The following DLEC1 variants were observed in gnomAD, a reference collection of about 807,000 sequenced individuals.
DLEC1 encodes DLEC1 cilia and flagella associated protein.
Under a neutral mutation model 198.1 loss-of-function variants are expected in DLEC1, and 146 were observed. The observed-to-expected ratio is 0.74, with a 90% CI of 0.64 to 0.85. The LOEUF (loss-of-function observed/expected upper bound fraction) is 0.85. Among genes scored for constraint, DLEC1 ranks in the 40% least tolerant of loss-of-function variants. The pLI is 0.00. For synonymous variants in DLEC1, 897 were observed against 866.8 expected (o/e 1.03, Z -0.61); for missense variants, 2,233 against 2,220.0 (o/e 1.01, Z -0.12).
chr3:38,063,786 T>G lies in DLEC1; in HGVS notation c.1095-55T>G. On this transcript the variant is annotated intron_variant, in intron 5 of 36. Coordinates refer to ENST00000308059, the MANE Select transcript of DLEC1 (RefSeq NM_007335.4). ...ACATTAATCAGTCACTGCCTACTATTTCATTGTATGGATGAAACTAACAGC... is the reference window on the plus strand; with the variant it reads ...ACATTAATCAGTCACTGCCTACTATGTCATTGTATGGATGAAACTAACAGC... 2.3e-6 allele frequency: 3 copies of G among 1,321,256 alleles called. 1 individual carries two copies. The South Asian group carries it at 3.6e-5, about 16-fold the overall frequency. The allele number at this position is 1,321,256 out of a possible 1,614,324, so 81.8% of individuals were successfully genotyped here. A position where few individuals can be genotyped will look rare whatever the true frequency, so the allele number is the denominator to read the frequency against.
rs1479116464 is a variant in DLEC1 at position 38,062,650 on chromosome 3, C to A, written c.943C>A (p.Leu315Ile). 1.9e-6 allele frequency: 3 copies of A among 1,614,048 alleles called. No individual in the cohort carries two copies. Among genetic ancestry groups the A allele is most frequent in the Non-Finnish European group, 2.5e-6 (3 of 1,180,046 alleles). The change falls in exon 5 of 37, where the codon CTT (leucine) becomes ATT (isoleucine). Residue 315 changes from leucine (L) to isoleucine (I), a missense_variant. By Grantham distance (5) the Leu-to-Ile change is conservative. Transcript: ENST00000308059. ...TGTGCCACAGAGAGAGCTAGACAGA[C>A]TTCTGCTTGCCAGAATGGAGAGTCG... ...LRVPQRELDR[L>I]LLARMESRNH...
intron 2 of DLEC1, chr3:38,052,440 A>G (rs1295904679): frequency 5.1e-6 from 1 of 197,512 alleles, no homozygotes; most frequent in Non-Finnish European, 1.1e-5. Flanking sequence ...GAAATCTCCC[A>G]ACAGCCAGAA....
chr3:38,086,933 G>A (rs1334736962), intron 9 of DLEC1, among the ~76,000 whole-genome samples: 1 of 152,042 alleles, frequency 6.6e-6, no homozygotes, highest in Non-Finnish European at 1.5e-5. Flanking sequence ...AATTAGCCGG[G>A]TGTGGTGGCA....
At position 38,100,409 on chromosome 3, in the gene DLEC1, GA is replaced by G; in HGVS notation, c.2852del (p.Asn951MetfsTer67). The G allele has an allele frequency of 6.2e-7, 1 of 1,612,854 alleles. No homozygotes were observed. Among genetic ancestry groups the G allele is most frequent in the East Asian group, 2.2e-5 (1 of 44,788 alleles). On this transcript the variant is annotated frameshift_variant, in exon 19 of 37. Coordinates refer to ENST00000308059, the MANE Select transcript of DLEC1 (RefSeq NM_007335.4). LOFTEE classifies it high-confidence loss of function. ...HLETVLELEV[E>X]NGAWSYLPVY... ...GGAGACCGTCCTGGAGCTGGAGGTG[GA>G]AAATGGTGCCTGGAGGTAAGGGTGC...
At chr3:38,070,743 T>C (rs944361425) in intron 6 of DLEC1, among the ~76,000 whole-genome samples, 1 of 152,168 alleles carries the variant, frequency 6.6e-6, no homozygotes, top group Non-Finnish European at 1.5e-5. Context: ...AAAAGGACTT[T>C]CACAAGGTAA....
At chr3:38,082,152 C>T (rs1176675593) in intron 6 of DLEC1, among the ~76,000 whole-genome samples, 1 of 148,594 alleles carries the variant, frequency 6.7e-6, no homozygotes, top group Admixed American at 6.6e-5. Flanking sequence ...CCTCACATCC[C>T]AGATGGGGCG....
chr3:38,066,192 C>T (rs1372432085), intron 6 of DLEC1, among the ~76,000 whole-genome samples: 1 of 152,170 alleles, frequency 6.6e-6, no homozygotes, highest in East Asian at 1.9e-4. Flanking sequence ...CTATAAAGTT[C>T]TTATCAAACT....
intron 9 of DLEC1, among the ~76,000 whole-genome samples, chr3:38,087,583 T>C (rs1048342254): frequency 6.6e-6 from 1 of 150,684 alleles, no homozygotes; most frequent in Non-Finnish European, 1.5e-5. Context: ...ACACCATCCA[T>C]CAGCATGCTC....
intron 19 of DLEC1, among the ~76,000 whole-genome samples, chr3:38,104,684 G>C (rs975610583): frequency 6.6e-6 from 1 of 151,962 alleles, no homozygotes; most frequent in Non-Finnish European, 1.5e-5. Flanking sequence ...AATTTTTCTT[G>C]GTCAGTCTAG....
At chr3:38,049,402 A>T (rs961717147) in intron 2 of DLEC1, among the ~76,000 whole-genome samples, 1 of 152,208 alleles carries the variant, frequency 6.6e-6, no homozygotes, top group African/African-American at 2.4e-5. Context: ...CATAGAGGCA[A>T]CCTTTCTGTG....
At chr3:38,086,971 G>T (rs1698489664) in intron 9 of DLEC1, among the ~76,000 whole-genome samples, 1 of 151,986 alleles carries the variant, frequency 6.6e-6, no homozygotes, top group African/African-American at 2.4e-5. Context: ...CTACTCAGGA[G>T]GCTGAGGAAG....
At chr3:38,073,508 G>C (rs1423404690) in intron 6 of DLEC1, among the ~76,000 whole-genome samples, 1 of 152,112 alleles carries the variant, frequency 6.6e-6, no homozygotes, top group African/African-American at 2.4e-5. Flanking sequence ...TTATACTTGT[G>C]GGTTAAGGTG....
intron 2 of DLEC1, among the ~76,000 whole-genome samples, chr3:38,052,967 T>C (rs1280971204): frequency 6.6e-6 from 1 of 152,212 alleles, no homozygotes; most frequent in Non-Finnish European, 1.5e-5. Context: ...TTTTCGTATT[T>C]TTTTGGTGGA....
chr3:38,103,203 G>GTTTT (rs988589310), intron 19 of DLEC1: 9 of 152,140 alleles, frequency 5.9e-5, no homozygotes, highest in Non-Finnish European at 1.5e-5. Context: ...ATATGTACAC[G>GTTTT]TTTTTAGCAC....
intron 20 of DLEC1, 74 bp downstream of exon 20, chr3:38,107,811 T>TC: frequency 6.7e-7 from 1 of 1,498,222 alleles, no homozygotes; most frequent in Non-Finnish European, 9.1e-7. Context: ...GGGGGCATTG[T>TC]CCCCCAAATA....
chr3:38,114,254 G>A, intron 25 of DLEC1, 88 bp from the exon 26 acceptor site: 1 of 1,336,544 alleles, frequency 7.5e-7, no homozygotes, highest in Non-Finnish European at 1.1e-6. Flanking sequence ...GGGGCCCCTG[G>A]GCTGGCTGGA....
chr3:38,048,274 C>T (rs1700967142), intron 2 of DLEC1, among the ~76,000 whole-genome samples: 1 of 152,202 alleles, frequency 6.6e-6, no homozygotes, highest in Admixed American at 6.5e-5. Flanking sequence ...TTCCCTCCAC[C>T]ACTCCCCACA....
In DLEC1 at chr3:38,115,008, GAC is replaced by G; in HGVS notation, c.3815_3816del (p.Thr1272SerfsTer9). 2.5e-6 allele frequency: 4 copies of G among 1,613,996 alleles called. No individual in the cohort carries two copies. The highest frequency in any genetic ancestry group is 2.7e-5 in the African/African-American group (2 of 75,068). On this transcript the variant is annotated frameshift_variant, in exon 27 of 37. Coordinates refer to ENST00000308059, the MANE Select transcript of DLEC1 (RefSeq NM_007335.4). LOFTEE classifies it high-confidence loss of function. The part of the protein sequence containing the change: ...MRFGTQVSGG[D>X]TVTRTLRLNN... ...GTTCGGCACCCAGGTCTCCGGAGGAGACACAGTTACCCGAACCCTTCGCCTGA... is the reference window on the plus strand; with the variant it reads ...GTTCGGCACCCAGGTCTCCGGAGGAGACAGTTACCCGAACCCTTCGCCTGA...
At chr3:38,117,485 C>T (rs776575656) in intron 31 of DLEC1, 42 bp from the exon 32 acceptor site, 57 of 1,613,242 alleles carry the variant, frequency 3.5e-5, no homozygotes, top group Middle Eastern at 1.6e-4. Context: ...CCAGAAGGCC[C>T]CAGGCGCCCG....
Sources: allele counts gnomAD v4.1 joint callset (sites outside exome capture counted in the v4.1 genomes callset), GRCh38; gene constraint gnomAD v4.1.1; transcripts MANE v1.5; gene names NCBI Gene and HGNC (gene_info 2026-07-23, HGNC 2026-07-21).